Variants in STIM2 observed in about 807,000 individuals in gnomAD.
The protein encoded by STIM2 is stromal interaction molecule 2.
A neutral mutation model predicts 85.8 loss-of-function variants in STIM2; 31 were observed. The ratio of observed to expected loss-of-function variants is 0.36; its 90% confidence interval spans 0.27 to 0.49. The LOEUF is 0.49. Ranked by LOEUF, STIM2 falls within the 20% of genes least tolerant of loss-of-function variation. The pLI is 0.98. For missense variants in STIM2, 841 were observed against 927.6 expected (o/e 0.91, Z 1.21); for synonymous variants, 356 against 331.1 (o/e 1.08, Z -0.82).
intron 1 of STIM2, among the ~76,000 whole-genome samples, chr4:26,909,506 G>C (rs549991487): frequency 6.6e-6 from 1 of 152,254 alleles, no homozygotes; most frequent in South Asian, 2.1e-4. Context: ...CATGATTGTT[G>C]TTAAAAGTCC....
At chr4:26,962,337 C>A (rs760324347) in intron 3 of STIM2, among the ~76,000 whole-genome samples, 1 of 152,050 alleles carries the variant, frequency 6.6e-6, no homozygotes, top group Non-Finnish European at 1.5e-5. Flanking sequence ...CTAAAAAGTT[C>A]GGCCATATTC....
chr4:26,945,475 T>C, intron 2 of STIM2, among the ~76,000 whole-genome samples: 1 of 152,218 alleles, frequency 6.6e-6, no homozygotes, highest in East Asian at 1.9e-4. Flanking sequence ...AGTAATGAGA[T>C]ACACTAGTTT....
chr4:26,877,310 C>A lies in STIM2; in HGVS notation c.151+15941C>A, dbSNP rs181665556. Among the ~76,000 whole-genome samples the A allele has an allele frequency of 4.8e-3, 736 of 152,140 alleles. 8 individuals are homozygous for A. Among genetic ancestry groups the A allele is most frequent in the African/African-American group, 0.017 (713 of 41,516 alleles). On this transcript the variant is annotated intron_variant, in intron 1 of 11. Coordinates refer to ENST00000467087, the MANE Select transcript of STIM2 (RefSeq NM_020860.4). ...TTCTTATTTTTAATTTTAGCATTGC[C>A]ATTTGACTCTCTTACAGTTTTCGTA...
intron 4 of STIM2, among the ~76,000 whole-genome samples, chr4:26,997,211 C>T (rs994176963): frequency 1.3e-5 from 2 of 152,056 alleles, no homozygotes; most frequent in African/African-American, 2.4e-5. Context: ...TGTATGGTAT[C>T]TGTAGACATA....
chr4:26,863,504 A>G (rs1052701980), intron 1 of STIM2, among the ~76,000 whole-genome samples: 1 of 152,142 alleles, frequency 6.6e-6, no homozygotes, highest in African/African-American at 2.4e-5. Flanking sequence ...TTTGAACTAT[A>G]TGGCCTCTAT....
intron 1 of STIM2, chr4:26,874,252 G>A (rs957799263): frequency 1.6e-5 from 7 of 425,554 alleles, no homozygotes; most frequent in Non-Finnish European, 2.8e-5. Context: ...TGGATGGCTG[G>A]CCACAGGCTG....
At chr4:26,956,070 C>A (rs1726226273) in intron 2 of STIM2, among the ~76,000 whole-genome samples, 1 of 151,968 alleles carries the variant, frequency 6.6e-6, no homozygotes, top group South Asian at 2.1e-4. Flanking sequence ...GAAAAATATG[C>A]CTCTGGCATT....
Position 26,892,607 on chromosome 4 carries a change from G to A in STIM2, c.152-26897G>A, listed in dbSNP as rs974660681. 4.6e-5 allele frequency among the ~76,000 whole-genome samples: 7 copies of A among 152,256 alleles called. No individual in the cohort carries two copies. In the East Asian group the frequency reaches 5.8e-4, roughly 13 times the overall value. ...ATTTCTTACCTTCTGACATGCATAT[G>A]TTTTACCAATAAGCTTAGAGTAATT... On this transcript the variant is annotated intron_variant, in intron 1 of 11. Transcript: ENST00000467087.
intron 2 of STIM2, among the ~76,000 whole-genome samples, chr4:26,929,917 C>G (rs1270949097): frequency 2.6e-5 from 4 of 151,952 alleles, no homozygotes; most frequent in Admixed American, 6.6e-5. Flanking sequence ...GGGTGGCAGG[C>G]AAAGTGAGGG....
rs993918443 is a variant in STIM2 at position 27,024,037 on chromosome 4, T to G, written c.*1041T>G. 1 of 152,670 alleles carries G rather than the reference T, an allele frequency of 6.6e-6. No individual in the cohort carries two copies. The highest frequency in any genetic ancestry group is 6.5e-5 in the Admixed American group (1 of 15,286). 9.5% of individuals were successfully genotyped at this position (152,670 alleles called of 1,614,324 possible). A position where few individuals can be genotyped will look rare whatever the true frequency, so the allele number is the denominator to read the frequency against. Reference sequence around the variant, plus strand: ...TTCTGGAGAGCTGTGTAAGCTGTCTTGTTGCTTAGTTGCAATATAAGAAAT... The same window carrying G: ...TTCTGGAGAGCTGTGTAAGCTGTCTGGTTGCTTAGTTGCAATATAAGAAAT... On this transcript the variant is annotated 3_prime_UTR_variant, in exon 12 of 12. Transcript: ENST00000467087.
At chr4:26,985,217 C>T (rs1727539720) in intron 3 of STIM2, among the ~76,000 whole-genome samples, 1 of 152,114 alleles carries the variant, frequency 6.6e-6, no homozygotes, top group South Asian at 2.1e-4. Context: ...ATGTGAAAGG[C>T]CCGAAACTTA....
intron 3 of STIM2, among the ~76,000 whole-genome samples, chr4:26,963,256 A>G (rs532037535): frequency 1.3e-5 from 2 of 152,302 alleles, no homozygotes; most frequent in Non-Finnish European, 2.9e-5. Flanking sequence ...AGTTATAAAT[A>G]TTTTAAAAAT....
At chr4:26,956,556 G>C (rs1726247534) in intron 2 of STIM2, among the ~76,000 whole-genome samples, 1 of 151,296 alleles carries the variant, frequency 6.6e-6, no homozygotes, top group South Asian at 2.1e-4. Flanking sequence ...CAATTCTCCT[G>C]CCTCAGCCTA....
At chr4:27,003,127 C>G in intron 7 of STIM2, 23 bp downstream of exon 7, 1 of 1,543,836 alleles carries the variant, frequency 6.5e-7, no homozygotes, top group Non-Finnish European at 8.7e-7. Context: ...AAAAAAAAAT[C>G]ACTTGTAAAG....
intron 11 of STIM2, among the ~76,000 whole-genome samples, chr4:27,020,300 T>A (rs1305033713): frequency 6.6e-6 from 1 of 152,220 alleles, no homozygotes; most frequent in Non-Finnish European, 1.5e-5. Flanking sequence ...CTGAACAGCT[T>A]CAGGGAACAG....
Position 26,919,631 on chromosome 4 carries a change from T to C in STIM2, c.279T>C (p.Asp93=), listed in dbSNP as rs1434398308. 4.3e-6 allele frequency: 7 copies of C among 1,613,358 alleles called. No individual in the cohort carries two copies. The highest frequency in any genetic ancestry group is 5.9e-6 in the Non-Finnish European group (7 of 1,179,600). Residue 93 remains aspartate, a synonymous_variant, in exon 2 of 12, where the codon GAT becomes GAC. Coordinates refer to ENST00000467087, the MANE Select transcript of STIM2 (RefSeq NM_020860.4). Reference sequence around the variant, plus strand: ...GTGGAATTGAAGTAGAGGAAAGTGATGAAGTAGGTGGAAAAATGTTTTCCT... The same window carrying C: ...GTGGAATTGAAGTAGAGGAAAGTGACGAAGTAGGTGGAAAAATGTTTTCCT...
chr4:26,998,513 ATTGT>A (rs1728037246), intron 4 of STIM2, among the ~76,000 whole-genome samples: 1 of 152,112 alleles, frequency 6.6e-6, no homozygotes, highest in Non-Finnish European at 1.5e-5. Context: ...TGAAAACTTA[ATTGT>A]TTTTTAAAGT....
chr4:26,910,815 G>A (rs1387964852), intron 1 of STIM2, among the ~76,000 whole-genome samples: 1 of 152,188 alleles, frequency 6.6e-6, no homozygotes, highest in Admixed American at 6.5e-5. Context: ...TAAGTTGCTT[G>A]GTGGTGGTGT....
chr4:26,912,145 A>G (rs931831075), intron 1 of STIM2, among the ~76,000 whole-genome samples: 3 of 152,246 alleles, frequency 2.0e-5, no homozygotes, highest in Non-Finnish European at 2.9e-5. Context: ...GAAGTACTAA[A>G]TACAAACAAT....
Sources: gnomAD v4.1 joint callset for allele counts (sites outside exome capture counted in the v4.1 genomes callset) on GRCh38, gnomAD v4.1.1 for gene constraint, MANE v1.5 for transcripts, NCBI Gene and HGNC (gene_info 2026-07-23, HGNC 2026-07-21) for gene names.